HMGA2: variants seen among roughly 807,000 people sequenced by gnomAD.
HMGA2 encodes high mobility group AT-hook 2, also known as high mobility group protein HMGI-C.
HMGA2 carries 8 observed loss-of-function variants against 19.1 expected under a neutral mutation model. The observed-to-expected ratio is 0.42, with a 90% CI of 0.25 to 0.76. The LOEUF (loss-of-function observed/expected upper bound fraction) is 0.76, where lower values mean the gene tolerates loss of function less well. HMGA2 is among the 30% of genes least tolerant of loss of function. The pLI, the probability that HMGA2 is intolerant of heterozygous loss-of-function variation, is 0.28. For synonymous variants in HMGA2, 60 were observed against 48.8 expected (o/e 1.23, Z -0.96); for missense variants, 109 against 136.3 (o/e 0.80, Z 1.00).
At chr12:65,834,301 C>T (rs1024643601) in intron 2 of HMGA2, among the ~76,000 whole-genome samples, 1 of 152,136 alleles carries the variant, frequency 6.6e-6, no homozygotes, top group African/African-American at 2.4e-5. Context: ...GAAATGTATG[C>T]CTTCTGCGAC....
intron 3 of HMGA2, among the ~76,000 whole-genome samples, chr12:65,846,477 T>G (rs2120908962): frequency 6.6e-6 from 1 of 152,356 alleles, no homozygotes; most frequent in Admixed American, 6.5e-5. Flanking sequence ...CCTAACTATA[T>G]GACCAGGGAA....
chr12:65,825,360 C>A lies in HMGA2; in HGVS notation c.90C>A (p.Gly30=). 6.5e-7 allele frequency: 1 copy of A among 1,533,780 alleles called. No individual in the cohort carries two copies. ...CAGCGCCTCAGAAGAGAGGACGCGG[C>A]CGCCCCAGGAAGCAGCAGCAAGTCA... ...AAPAPQKRGR[G]RPRKQQQEPT... is the part of the protein sequence containing the mutation. Residue 30 remains glycine (G), a synonymous_variant, in exon 1 of 5, where the codon GGC becomes GGA. Transcript: ENST00000403681. The surrounding 1 kb of genome is among the most constrained non-coding windows in gnomAD (Gnocchi z 4.4).
At chr12:65,866,019 G>T (rs2121008032) in intron 3 of HMGA2, among the ~76,000 whole-genome samples, 1 of 152,236 alleles carries the variant, frequency 6.6e-6, no homozygotes, top group East Asian at 1.9e-4. Context: ...TGTGAACTCT[G>T]GGAATCATAG....
chr12:65,878,017 C>T (rs918059347), intron 3 of HMGA2, among the ~76,000 whole-genome samples: 5 of 152,236 alleles, frequency 3.3e-5, no homozygotes, highest in African/African-American at 9.6e-5. Context: ...GAAGAACCTA[C>T]TTGCACCCCA....
intron 3 of HMGA2, among the ~76,000 whole-genome samples, chr12:65,851,920 C>T (rs1238872936): frequency 6.6e-6 from 1 of 152,096 alleles, no homozygotes; most frequent in Non-Finnish European, 1.5e-5. Flanking sequence ...ATCCTTGAAC[C>T]TGCTTGCTCT....
chr12:65,924,659 G>A (rs1051458670), intron 3 of HMGA2, among the ~76,000 whole-genome samples: 8 of 152,126 alleles, frequency 5.3e-5, no homozygotes, highest in African/African-American at 7.2e-5. Flanking sequence ...TTAGCTGGGC[G>A]TTGTGGGGCG....
Position 65,892,957 on chromosome 12 carries a change from G to A in HMGA2, c.249+54388G>A, listed in dbSNP as rs143108971. On this transcript the variant is annotated intron_variant, in intron 3 of 4. Transcript: ENST00000403681. ...GGCCCCTCTGGCTCAAAGACTCTCT[G>A]CTTCCCGTGTGTCATAAATCTGTAT... is the stretch of plus-strand genomic sequence containing the variant. Among the ~76,000 whole-genome samples, 38 of 152,254 alleles carry A rather than the reference G, an allele frequency of 2.5e-4. 1 individual carries two copies. The East Asian group carries it at 7.3e-3, about 29-fold the overall frequency.
chr12:65,871,234 C>G (rs1343848910), intron 3 of HMGA2, among the ~76,000 whole-genome samples: 3 of 152,108 alleles, frequency 2.0e-5, no homozygotes, highest in African/African-American at 4.8e-5. Context: ...ATTTCAGTAT[C>G]AACAAATAAA....
chr12:65,891,604 C>T (rs550847100), intron 3 of HMGA2, among the ~76,000 whole-genome samples: 89 of 152,178 alleles, frequency 5.8e-4, no homozygotes, highest in African/African-American at 1.7e-3. Flanking sequence ...GGTTAAGAGT[C>T]GCGTAAATAA....
In HMGA2 at chr12:65,902,098, G is replaced by C. The variant is rs1228085649; in HGVS notation, c.250-49285G>C. Among the ~76,000 whole-genome samples, 4 of 152,246 alleles carry C rather than the reference G, an allele frequency of 2.6e-5. No individual in the cohort carries two copies. The South Asian group carries it at 6.2e-4, about 24-fold the overall frequency. On this transcript the variant is annotated intron_variant, in intron 3 of 4. Coordinates refer to ENST00000403681, the MANE Select transcript of HMGA2 (RefSeq NM_003483.6). ...CTGGGCTCTGCACCAATATAAGGAG[G>C]ACTTGGTTCCTGTTTCCCAGGTTGA...
At chr12:65,904,807 C>T (rs1352036246) in intron 3 of HMGA2, among the ~76,000 whole-genome samples, 7 of 151,874 alleles carry the variant, frequency 4.6e-5, no homozygotes, top group Non-Finnish European at 2.9e-5. Context: ...TTTGGGAGGC[C>T]GAGGTGGGCA....
intron 3 of HMGA2, among the ~76,000 whole-genome samples, chr12:65,902,735 C>G (rs1272363361): frequency 6.6e-6 from 1 of 152,120 alleles, no homozygotes; most frequent in African/African-American, 2.4e-5. Context: ...AAGTAGAGAA[C>G]TATATTCTGA....
intron 3 of HMGA2, among the ~76,000 whole-genome samples, chr12:65,940,749 C>G (rs1436577557): frequency 6.6e-6 from 1 of 152,094 alleles, no homozygotes. Context: ...TCATTATATG[C>G]TGGCCTTGCA....
chr12:65,939,518 G>C (rs760256192), intron 3 of HMGA2, among the ~76,000 whole-genome samples: 1 of 152,006 alleles, frequency 6.6e-6, no homozygotes, highest in Non-Finnish European at 1.5e-5. Flanking sequence ...ACCACACCTG[G>C]CTAATTTTTG....
At chr12:65,958,464 T>C (rs1047002331) in intron 4 of HMGA2, 1 of 152,196 alleles carries the variant, frequency 6.6e-6, no homozygotes, top group African/African-American at 2.4e-5. Context: ...TCACTTTCCA[T>C]TAAGTTAAAC....
intron 3 of HMGA2, chr12:65,867,727 G>C (rs1161121997): frequency 1.3e-5 from 3 of 234,198 alleles, no homozygotes; most frequent in Non-Finnish European, 2.7e-5. Flanking sequence ...ATGGAGTTTT[G>C]AAGGAAGTGA....
At chr12:65,876,589 T>C (rs1318610475) in intron 3 of HMGA2, among the ~76,000 whole-genome samples, 1 of 152,242 alleles carries the variant, frequency 6.6e-6, no homozygotes, top group African/African-American at 2.4e-5. Context: ...CATTTCTCTT[T>C]ATATCATTTA....
chr12:65,858,998 A>G (rs748181146), intron 3 of HMGA2: 1 of 152,214 alleles, frequency 6.6e-6, no homozygotes, highest in Non-Finnish European at 1.5e-5. Context: ...TCTCCCAGGC[A>G]TGACGCCTAG....
rs549444059 is a variant in HMGA2 at position 65,892,383 on chromosome 12, C to T, written c.249+53814C>T. ...AGTCGTCCCAACTGTGATTTTATTG[C>T]TTGAGTCACTCCCTGAATCAGATAC... On this transcript the variant is annotated intron_variant, in intron 3 of 4. Coordinates refer to ENST00000403681, the MANE Select transcript of HMGA2 (RefSeq NM_003483.6). Among the ~76,000 whole-genome samples the T allele has an allele frequency of 2.7e-4, 41 of 152,238 alleles. 1 individual carries two copies. The highest frequency in any genetic ancestry group is 9.6e-4 in the African/African-American group (40 of 41,536).
Sources: allele counts gnomAD v4.1 joint callset (sites outside exome capture counted in the v4.1 genomes callset), GRCh38; gene constraint gnomAD v4.1.1; non-coding constraint Gnocchi (gnomAD v3.1); transcripts MANE v1.5; gene names NCBI Gene and HGNC (gene_info 2026-07-23, HGNC 2026-07-21).